The following UNC79 variants were observed in gnomAD, a reference collection of about 807,000 sequenced individuals.
UNC79 encodes the protein protein unc-79 homolog.
In UNC79, 37 loss-of-function variants were observed where a neutral mutation model predicts 283.1. That is an observed-to-expected ratio of 0.13 (90% CI 0.10 to 0.17). The LOEUF (loss-of-function observed/expected upper bound fraction) is 0.17. Ranked by LOEUF, UNC79 falls within the 10% of genes least tolerant of loss-of-function variation. UNC79 has a pLI of 1.00. For missense variants in UNC79, 2,272 were observed against 3,211.1 expected, an observed-to-expected ratio of 0.71 and a Z score of 7.07; for synonymous variants, 1,107 against 1,200.2, an observed-to-expected ratio of 0.92 and a Z score of 1.61.
intron 26 of UNC79, among the ~76,000 whole-genome samples, chr14:93,608,894 T>C (rs2066088843): frequency 6.6e-6 from 1 of 152,236 alleles, no homozygotes; most frequent in Non-Finnish European, 1.5e-5. Context: ...ATGTCAGACA[T>C]TGGCCCCTAT....
intron 23 of UNC79, among the ~76,000 whole-genome samples, chr14:93,595,542 G>A (rs1474688067): frequency 6.6e-6 from 1 of 152,100 alleles, no homozygotes; most frequent in Admixed American, 6.6e-5. Context: ...ACACACCCTT[G>A]CTGTGTTCCC....
intron 1 of UNC79, chr14:93,466,984 G>A (rs1213825327): frequency 2.3e-6 from 2 of 863,368 alleles, no homozygotes; most frequent in Admixed American, 6.2e-5. Context: ...AAGCTATTAG[G>A]AAGTCTCCTA....
chr14:93,589,838 G>A (rs2064525147), intron 22 of UNC79, among the ~76,000 whole-genome samples: 2 of 152,144 alleles, frequency 1.3e-5, no homozygotes, highest in Admixed American at 6.5e-5. Context: ...AGAGGTGGGA[G>A]GATCACTTAA....
chr14:93,556,732 GA>G (rs1220833301), intron 14 of UNC79, among the ~76,000 whole-genome samples: 126 of 150,870 alleles, frequency 8.4e-4, no homozygotes, highest in Middle Eastern at 3.5e-3. Flanking sequence ...CAAGATCCAA[GA>G]AGAGAAAAAA....
At chr14:93,706,929 A>G (rs1390063972), downstream of UNC79, 1 of 1,613,232 alleles carries the variant, frequency 6.2e-7, no homozygotes, top group African/African-American at 1.3e-5. Context: ...GCTCAGTGTC[A>G]ACACTCTGGT....
At chr14:93,384,416 A>G (rs1355420370) in intron 1 of UNC79, among the ~76,000 whole-genome samples, 1 of 152,186 alleles carries the variant, frequency 6.6e-6, no homozygotes, top group Non-Finnish European at 1.5e-5. Context: ...ATAATAGCTC[A>G]TTGTAGTTTT....
At chr14:93,434,943 C>T (rs2056026305) in intron 1 of UNC79, among the ~76,000 whole-genome samples, 1 of 152,110 alleles carries the variant, frequency 6.6e-6, no homozygotes. Flanking sequence ...TTTTTGATTA[C>T]ATCAAAGATA....
intron 10 of UNC79, among the ~76,000 whole-genome samples, chr14:93,530,090 G>A (rs1294415020): frequency 2.0e-5 from 3 of 152,150 alleles, no homozygotes; most frequent in Non-Finnish European, 4.4e-5. Flanking sequence ...GACTTCAGAT[G>A]TAGAAAATAA....
intron 1 of UNC79, among the ~76,000 whole-genome samples, chr14:93,365,384 CAAAAA>C (rs34673069): frequency 9.2e-6 from 1 of 108,290 alleles, no homozygotes. Flanking sequence ...TACTCCATCT[CAAAAA>C]AAAAAAAAAA....
intron 1 of UNC79, among the ~76,000 whole-genome samples, chr14:93,449,352 C>T (rs1327595222): frequency 6.6e-6 from 1 of 152,184 alleles, no homozygotes; most frequent in African/African-American, 2.4e-5. Flanking sequence ...TAAATGGCTG[C>T]TGCCTTTAGA....
chr14:93,535,561 G>T (rs1219976776), intron 11 of UNC79, among the ~76,000 whole-genome samples: 1 of 152,164 alleles, frequency 6.6e-6, no homozygotes, highest in Admixed American at 6.5e-5. Flanking sequence ...TCTGTTTGAT[G>T]ATGTTTGGGG....
At chr14:93,679,122 A>G (rs955977057) in intron 41 of UNC79, among the ~76,000 whole-genome samples, 3 of 152,208 alleles carry the variant, frequency 2.0e-5, no homozygotes, top group African/African-American at 7.2e-5. Context: ...AAGACTGTTT[A>G]AGTTCAAATC....
chr14:93,552,757 C>A (rs2061962842), intron 14 of UNC79, among the ~76,000 whole-genome samples: 1 of 151,946 alleles, frequency 6.6e-6, no homozygotes, highest in Non-Finnish European at 1.5e-5. Context: ...TCAGATTAGA[C>A]TTTTTAAAGC....
rs1027087544 is a variant in UNC79, at chr14:93,690,369, A to G, written c.7272+66A>G. 3 of 1,518,400 alleles carry G rather than the reference A, an allele frequency of 2.0e-6. No homozygotes were observed. Among genetic ancestry groups the G allele is most frequent in the African/African-American group, 2.8e-5 (2 of 72,400 alleles). The allele number at this position is 1,518,400 out of a possible 1,614,324, so 94.1% of individuals were successfully genotyped here. On this transcript the variant is annotated intron_variant, in intron 45 of 48. Transcript: ENST00000555664. The surrounding 1 kb of genome is among the most constrained non-coding windows in gnomAD (Gnocchi z 4.3). Reference sequence around the variant, plus strand: ...TTGCTAATGGAAACCTTATCAGCCAATTATGTTTCTTCTGAGAAGAAAATA... The same window carrying G: ...TTGCTAATGGAAACCTTATCAGCCAGTTATGTTTCTTCTGAGAAGAAAATA...
At chr14:93,490,722 G>A (rs1422803028) in intron 5 of UNC79, among the ~76,000 whole-genome samples, 2 of 152,164 alleles carry the variant, frequency 1.3e-5, no homozygotes, top group Non-Finnish European at 2.9e-5. Context: ...TCTCAAAGAA[G>A]ATTGAAGCTT....
chr14:93,636,448 G>A (rs1281105258), intron 31 of UNC79, among the ~76,000 whole-genome samples: 6 of 152,146 alleles, frequency 3.9e-5, no homozygotes, highest in Non-Finnish European at 7.3e-5. Flanking sequence ...TGACTGTGTA[G>A]TACAATGTTA....
intron 1 of UNC79, among the ~76,000 whole-genome samples, chr14:93,404,323 A>G (rs2055170716): frequency 1.3e-5 from 1 of 76,760 alleles, no homozygotes; most frequent in Non-Finnish European, 3.0e-5. Context: ...TGTTTCTACA[A>G]AAATAAAAAA....
chr14:93,623,391 C>T (rs761728995), intron 30 of UNC79, among the ~76,000 whole-genome samples: 1 of 152,192 alleles, frequency 6.6e-6, no homozygotes, highest in Non-Finnish European at 1.5e-5. Flanking sequence ...CCCTAACCCA[C>T]GGTCATCACT....
intron 7 of UNC79, among the ~76,000 whole-genome samples, chr14:93,519,875 T>G (rs1292307593): frequency 6.6e-6 from 1 of 151,818 alleles, no homozygotes; most frequent in Non-Finnish European, 1.5e-5. Flanking sequence ...TCTATATATA[T>G]TATTAGCCTC....
Sources: allele counts gnomAD v4.1 joint callset (sites outside exome capture counted in the v4.1 genomes callset), GRCh38; gene constraint gnomAD v4.1.1; non-coding constraint Gnocchi (gnomAD v3.1); transcripts MANE v1.5; gene names NCBI Gene and HGNC (gene_info 2026-07-23, HGNC 2026-07-21).